FAM234B: variants seen among roughly 807,000 people sequenced by gnomAD.
FAM234B encodes the protein protein FAM234B.
A neutral mutation model predicts 69.3 loss-of-function variants in FAM234B; 33 were observed. That is an observed-to-expected ratio of 0.48 (90% confidence interval 0.36 to 0.64). FAM234B has a LOEUF of 0.64. Among genes scored for constraint, FAM234B ranks in the 30% least tolerant of loss-of-function variants. FAM234B has a pLI of 0.00. For missense variants in FAM234B, 697 were observed against 769.7 expected, an observed-to-expected ratio of 0.91 and a Z score of 1.12; for synonymous variants, 306 against 306.9, an observed-to-expected ratio of 1.00 and a Z score of 0.03.
At position 13,044,408 on chromosome 12, in the gene FAM234B, C is replaced by G. The variant is rs1321987104; in HGVS notation, c.5C>G (p.Ala2Gly). The change falls in exon 1 of 13, where the codon GCG (alanine) becomes GGG (glycine). Residue 2 changes from alanine (A) to glycine (G), a missense_variant. Physicochemically the swap from Ala to Gly is moderately conservative, Grantham distance 60. Coordinates refer to ENST00000197268, the MANE Select transcript of FAM234B (RefSeq NM_020853.2). This position sits in a 1 kb window ranked among gnomAD's most constrained non-coding sequence, Gnocchi z 5.6. M[A>G]TVLSRALKLP... The stretch of plus-strand genomic sequence containing the variant: ...ACGCGCACCGGGGCCTCAGCCATGG[C>G]GACCGTGCTGTCCAGGGCGCTCAAG... 6.4e-7 allele frequency: 1 copy of G among 1,551,812 alleles called. No individual in the cohort carries two copies. Among genetic ancestry groups the G allele is most frequent in the South Asian group, 1.2e-5 (1 of 84,104 alleles).
chr12:13,058,609 C>T, intron 3 of FAM234B, 60 bp downstream of exon 3: 1 of 1,397,158 alleles, frequency 7.2e-7, no homozygotes, highest in South Asian at 1.2e-5. Flanking sequence ...GAGAAAACAT[C>T]AGAGCTGTGT....
In FAM234B at chr12:13,068,381, G is replaced by A; in HGVS notation, c.1220G>A (p.Ser407Asn). The change falls in exon 8 of 13, where the codon AGC becomes AAC. Residue 407 changes from serine (S) to asparagine (N), a missense_variant. Transcript: ENST00000197268. ...AACCTTCTGATTACAACCAGACAAA[G>A]CCTTGTGCTGCTTCGGGGGCAAAAT... ...CSNLLITTRQSLVLLRGQNLT... is the reference protein window; with the variant it reads ...CSNLLITTRQNLVLLRGQNLT... 1.2e-6 allele frequency: 2 copies of A among 1,614,186 alleles called. No homozygotes were observed. The highest frequency in any genetic ancestry group is 1.7e-6 in the Non-Finnish European group (2 of 1,180,030).
rs113202589 is a variant in FAM234B at position 13,049,767 on chromosome 12, A to G, written c.37+5327A>G. Among the ~76,000 whole-genome samples the G allele has an allele frequency of 4.7e-3, 719 of 152,268 alleles. 2 individuals carry two copies. Among genetic ancestry groups the G allele is most frequent in the African/African-American group, 0.017 (686 of 41,554 alleles). ...GAAGTATATGTTCATTATTTCTTCCATCTTGTGGTGTGATTTGTCCAGCAT... is the reference window on the plus strand; with the variant it reads ...GAAGTATATGTTCATTATTTCTTCCGTCTTGTGGTGTGATTTGTCCAGCAT... On this transcript the variant is annotated intron_variant, in intron 1 of 12. Coordinates refer to ENST00000197268, the MANE Select transcript of FAM234B (RefSeq NM_020853.2).
At chr12:13,080,041 A>G in intron 12 of FAM234B, 32 bp downstream of exon 12, 1 of 1,490,876 alleles carries the variant, frequency 6.7e-7, no homozygotes. Context: ...GTTCCTCTTG[A>G]GGGTTTAGGA....
At chr12:13,077,243 GTATTT>G (rs545144190) in intron 11 of FAM234B, among the ~76,000 whole-genome samples, 230 of 152,068 alleles carry the variant, frequency 1.5e-3, no homozygotes, top group African/African-American at 5.4e-3. Context: ...ATTACAACTT[GTATTT>G]TATTTTATTT....
chr12:13,060,706 T>C (rs1864974778), intron 3 of FAM234B, among the ~76,000 whole-genome samples: 1 of 152,224 alleles, frequency 6.6e-6, no homozygotes. Context: ...CTCTAAAAGT[T>C]TTGTTTCCTT....
intron 5 of FAM234B, among the ~76,000 whole-genome samples, chr12:13,065,118 G>A (rs544274514): frequency 6.6e-6 from 1 of 152,310 alleles, no homozygotes; most frequent in Admixed American, 6.5e-5. Flanking sequence ...GCCAGCTCCA[G>A]AAAATTCTGT....
At chr12:13,063,368 C>T (rs1043202869) in intron 5 of FAM234B, among the ~76,000 whole-genome samples, 5 of 152,122 alleles carry the variant, frequency 3.3e-5, no homozygotes, top group African/African-American at 1.2e-4. Context: ...TTTAAAGTGC[C>T]TAGAGTAGTG....
chr12:13,052,912 A>C (rs1225619976), intron 1 of FAM234B, among the ~76,000 whole-genome samples: 2 of 152,218 alleles, frequency 1.3e-5, no homozygotes, highest in Non-Finnish European at 2.9e-5. Context: ...TATTCTAACA[A>C]CCCATGGCTC....
intron 1 of FAM234B, among the ~76,000 whole-genome samples, chr12:13,050,219 C>A (rs555250053): frequency 7.0e-4 from 107 of 152,238 alleles, no homozygotes; most frequent in South Asian, 8.3e-4. Context: ...GTTTGTCCTG[C>A]CTTGGATATT....
intron 2 of FAM234B, among the ~76,000 whole-genome samples, chr12:13,056,486 C>G (rs1224189339): frequency 6.6e-6 from 1 of 152,140 alleles, no homozygotes; most frequent in Non-Finnish European, 1.5e-5. Flanking sequence ...GAGTAGGCTT[C>G]TTTAAAACCT....
rs748162017 is a variant in FAM234B at position 13,066,719 on chromosome 12, T to G, written c.932T>G (p.Val311Gly). 4 of 1,613,860 alleles carry G rather than the reference T, an allele frequency of 2.5e-6. No homozygotes were observed. The South Asian group carries it at 4.4e-5, about 18-fold the overall frequency. ...GRPVKYNIVG[V>G]GNLIGPQVYI... ...CCTGTGAAGTACAACATCGTTGGAG[T>G]TGGGAATCTGATTGGTCCTCAGGTT... Residue 311 changes from valine (V) to glycine (G), a missense_variant, in exon 6 of 13, where the codon GTT (valine) becomes GGT (glycine). Around this residue, in one of 3 missense-constraint regions of FAM234B, gnomAD observed 380 missense variants for 447.1 expected, o/e 0.85. Coordinates refer to ENST00000197268, the MANE Select transcript of FAM234B (RefSeq NM_020853.2).
chr12:13,075,869 G>A (rs892111728), intron 10 of FAM234B, among the ~76,000 whole-genome samples, 157 bp from the exon 11 acceptor site: 1 of 152,064 alleles, frequency 6.6e-6, no homozygotes, highest in Non-Finnish European at 1.5e-5. Context: ...TTATACAGGG[G>A]AGTTTCTTTC....
At chr12:13,046,158 G>A (rs1466039941) in intron 1 of FAM234B, among the ~76,000 whole-genome samples, 1 of 96,146 alleles carries the variant, frequency 1.0e-5, no homozygotes, top group Non-Finnish European at 1.9e-5. Context: ...TTGCGTCTAC[G>A]GCCATACCAC....
At position 13,079,857 on chromosome 12, in the gene FAM234B, C is replaced by T. The variant is rs922414296; in HGVS notation, c.1711C>T (p.His571Tyr). 2 of 1,614,048 alleles carry T rather than the reference C, an allele frequency of 1.2e-6. No individual in the cohort carries two copies. The highest frequency in any genetic ancestry group is 1.3e-5 in the African/African-American group (1 of 75,008). The change falls in exon 12 of 13, where the codon CAT becomes TAT. Residue 571 changes from histidine (H) to tyrosine (Y), a missense_variant. By Grantham distance (83) the His-to-Tyr change is moderately conservative. Transcript: ENST00000197268. ...GACAACAGGGCCAAGCTCCGAAGGC[C>T]ATCCAGCAGCCCTGGTGGTCAGCAA... ...TRTTGPSSEG[H>Y]PAALVVSKLS...
chr12:13,066,987 T>G, intron 6 of FAM234B, 168 bp from the exon 7 acceptor site: 1 of 936,220 alleles, frequency 1.1e-6, no homozygotes, highest in East Asian at 2.6e-5. Flanking sequence ...AAGGGAAGAC[T>G]CTTGTCCAGC....
intron 1 of FAM234B, among the ~76,000 whole-genome samples, chr12:13,048,653 A>G (rs924637661): frequency 6.6e-6 from 1 of 152,156 alleles, no homozygotes; most frequent in Non-Finnish European, 1.5e-5. Context: ...GATCATATGT[A>G]GCCCGTACAG....
chr12:13,063,222 A>G (rs1232312208), intron 5 of FAM234B, among the ~76,000 whole-genome samples: 2 of 152,156 alleles, frequency 1.3e-5, no homozygotes, highest in Non-Finnish European at 2.9e-5. Context: ...TCTGTATGCG[A>G]ATTCCACCTC....
At chr12:13,077,758 A>C (rs1318753120) in intron 11 of FAM234B, among the ~76,000 whole-genome samples, 1 of 152,164 alleles carries the variant, frequency 6.6e-6, no homozygotes. Context: ...TTATGGCAGC[A>C]TGATTTATAG....
Sources: allele counts gnomAD v4.1 joint callset (sites outside exome capture counted in the v4.1 genomes callset), GRCh38; gene constraint gnomAD v4.1.1; regional missense constraint gnomAD v4.1.1; non-coding constraint Gnocchi (gnomAD v3.1); transcripts MANE v1.5; gene names NCBI Gene and HGNC (gene_info 2026-07-23, HGNC 2026-07-21).